TRAPPC9: variants seen among roughly 807,000 people sequenced by gnomAD.
TRAPPC9 encodes the protein trafficking protein particle complex subunit 9, also known as IKK2 binding protein.
A neutral mutation model predicts 124.0 loss-of-function variants in TRAPPC9; 83 were observed. That is an observed-to-expected ratio of 0.67 (90% confidence interval 0.56 to 0.80). The LOEUF (loss-of-function observed/expected upper bound fraction) is 0.80. Among genes scored for constraint, TRAPPC9 ranks in the 30% least tolerant of loss-of-function variants. TRAPPC9 has a pLI of 0.00. For synonymous variants in TRAPPC9, 638 were observed against 617.5 expected (o/e 1.03, Z -0.49); for missense variants, 1,302 against 1,508.3 (o/e 0.86, Z 2.27).
intron 17 of TRAPPC9, among the ~76,000 whole-genome samples, chr8:140,036,118 C>A (rs1840859907): frequency 6.6e-6 from 1 of 152,088 alleles, no homozygotes; most frequent in African/African-American, 2.4e-5. Flanking sequence ...CGCAGCCAGA[C>A]CACACAGGCA....
chr8:140,383,788 A>G (rs1052890640), intron 7 of TRAPPC9, among the ~76,000 whole-genome samples: 2 of 152,216 alleles, frequency 1.3e-5, no homozygotes, highest in Non-Finnish European at 2.9e-5. Context: ...GCAGGCCAAC[A>G]TTCAAATTCA....
chr8:139,903,523 G>T (rs2131235630), intron 20 of TRAPPC9, among the ~76,000 whole-genome samples: 1 of 152,290 alleles, frequency 6.6e-6, no homozygotes, highest in African/African-American at 2.4e-5. Flanking sequence ...CAAGGAAAAT[G>T]AAAGGGTGAG....
chr8:139,892,865 T>C (rs1301142578), intron 20 of TRAPPC9, among the ~76,000 whole-genome samples: 1 of 152,172 alleles, frequency 6.6e-6, no homozygotes, highest in Non-Finnish European at 1.5e-5. Context: ...TCCTCTGCTG[T>C]AGAAGCTGCA....
chr8:139,742,966 G>A lies in TRAPPC9; in HGVS notation c.3056-10764C>T, dbSNP rs892666895. 4.6e-5 allele frequency among the ~76,000 whole-genome samples: 7 copies of A among 152,244 alleles called. No homozygotes were observed. Among genetic ancestry groups the A allele is most frequent in the East Asian group, 3.9e-4 (2 of 5,178 alleles). On this transcript the variant is annotated intron_variant, in intron 21 of 22. Transcript: ENST00000438773. This position sits in a 1 kb window ranked among gnomAD's most constrained non-coding sequence, Gnocchi z 4.7. ...GTGGTGCTGAGCATGAGTTTCTGCC[G>A]TGCATGTGTCCAGGGTTGCAGGCCC...
At chr8:140,041,477 T>C (rs1374868166) in intron 17 of TRAPPC9, among the ~76,000 whole-genome samples, 1 of 152,224 alleles carries the variant, frequency 6.6e-6, no homozygotes, top group African/African-American at 2.4e-5. Context: ...AGTCAGTAAC[T>C]TTGTTTTTCA....
intron 21 of TRAPPC9, among the ~76,000 whole-genome samples, chr8:139,838,987 G>C (rs887383928): frequency 1.2e-4 from 19 of 152,186 alleles, no homozygotes; most frequent in Non-Finnish European, 2.1e-4. Flanking sequence ...ACGCTGGGAG[G>C]GGTGGAATTC....
In TRAPPC9 at chr8:140,281,952, G is replaced by A. The variant is rs887398559; in HGVS notation, c.2114+1937C>T. Among the ~76,000 whole-genome samples the A allele has an allele frequency of 2.0e-5, 3 of 152,112 alleles. No homozygotes were observed. In the East Asian group the frequency reaches 5.8e-4, roughly 29 times the overall value. Reference sequence around the variant, plus strand: ...CCTCCCCCAGCACATGGGACCTCCCGCATCACAGTCCTGACGACAGTGCAC... The same window carrying A: ...CCTCCCCCAGCACATGGGACCTCCCACATCACAGTCCTGACGACAGTGCAC... On this transcript the variant is annotated intron_variant, in intron 14 of 22. Transcript: ENST00000438773.
At chr8:140,146,975 T>C (rs1359403541) in intron 17 of TRAPPC9, among the ~76,000 whole-genome samples, 1 of 151,958 alleles carries the variant, frequency 6.6e-6, no homozygotes, top group Non-Finnish European at 1.5e-5. Flanking sequence ...TCAATAAAGA[T>C]TCATTTCCTT....
rs183025101 is a variant in TRAPPC9 at position 140,289,312 on chromosome 8, G to A, written c.1855-1578C>T. The stretch of plus-strand genomic sequence containing the variant: ...ACTCTCTCGGCAGTGAGTACACTTA[G>A]TGCCCGGACTTGGAGCCAAGGTGTG... On this transcript the variant is annotated intron_variant, in intron 12 of 22. Coordinates refer to ENST00000438773, the MANE Select transcript of TRAPPC9 (RefSeq NM_001160372.4). Among the ~76,000 whole-genome samples the A allele has an allele frequency of 1.3e-4, 20 of 152,264 alleles. No individual in the cohort carries two copies. The East Asian group carries it at 2.9e-3, about 22-fold the overall frequency.
intron 9 of TRAPPC9, among the ~76,000 whole-genome samples, chr8:140,348,036 A>G (rs980461610): frequency 6.6e-6 from 1 of 152,260 alleles, no homozygotes; most frequent in Non-Finnish European, 1.5e-5. Context: ...CAACTCCAGC[A>G]GCTCTAAGAA....
chr8:140,029,483 C>A (rs555015382), intron 17 of TRAPPC9, among the ~76,000 whole-genome samples: 8 of 152,020 alleles, frequency 5.3e-5, no homozygotes, highest in Admixed American at 2.6e-4. Context: ...CCAGCCTGGG[C>A]GACAGAGCAA....
At chr8:139,909,696 A>G (rs989031061) in intron 20 of TRAPPC9, among the ~76,000 whole-genome samples, 17 of 152,240 alleles carry the variant, frequency 1.1e-4, no homozygotes, top group African/African-American at 4.1e-4. Context: ...TTATAGCACA[A>G]TCCTTCTGAA....
intron 19 of TRAPPC9, among the ~76,000 whole-genome samples, chr8:139,913,605 TG>T (rs1291240791): frequency 2.0e-5 from 3 of 152,182 alleles, no homozygotes; most frequent in African/African-American, 7.2e-5. Flanking sequence ...GCCTGCTGCT[TG>T]TGTTAACGGC....
rs529836882 is a variant in TRAPPC9, at chr8:140,358,908, C to T, written c.1495+1142G>A. Among the ~76,000 whole-genome samples, 159 of 152,272 alleles carry T rather than the reference C, an allele frequency of 1.0e-3. 1 individual carries two copies. Among genetic ancestry groups the T allele is most frequent in the African/African-American group, 3.6e-3 (150 of 41,562 alleles). ...AGCAGTGAGCACCCAGGGCCTGGCA[C>T]GGGGACAGGAAGCCCCGGCCCTCCC... is the stretch of plus-strand genomic sequence containing the variant. On this transcript the variant is annotated intron_variant, in intron 9 of 22. Coordinates refer to ENST00000438773, the MANE Select transcript of TRAPPC9 (RefSeq NM_001160372.4).
intron 21 of TRAPPC9, among the ~76,000 whole-genome samples, chr8:139,835,395 G>T (rs1025559668): frequency 3.3e-5 from 5 of 152,262 alleles, no homozygotes; most frequent in African/African-American, 1.2e-4. Flanking sequence ...CGACTCTGCA[G>T]CAAGCATCCT....
chr8:140,148,872 TTTG>T (rs1433841870), intron 17 of TRAPPC9, among the ~76,000 whole-genome samples: 1 of 152,220 alleles, frequency 6.6e-6, no homozygotes, highest in East Asian at 1.9e-4. Flanking sequence ...AGTTTTTCTA[TTTG>T]TTGTTGTAAT....
At chr8:139,732,945 C>T (rs1374039609) in intron 21 of TRAPPC9, among the ~76,000 whole-genome samples, 2 of 152,142 alleles carry the variant, frequency 1.3e-5, no homozygotes, top group Non-Finnish European at 2.9e-5. Flanking sequence ...AAGGAGGACG[C>T]CTCCTAACTG....
At chr8:139,830,459 C>T (rs1015432411) in intron 21 of TRAPPC9, among the ~76,000 whole-genome samples, 11 of 152,000 alleles carry the variant, frequency 7.2e-5, no homozygotes, top group African/African-American at 1.9e-4. Flanking sequence ...AAACGCTACA[C>T]ACATACACAT....
intron 20 of TRAPPC9, among the ~76,000 whole-genome samples, chr8:139,902,423 G>A (rs1831078762): frequency 1.3e-5 from 2 of 152,198 alleles, no homozygotes; most frequent in African/African-American, 4.8e-5. Flanking sequence ...GTGGCTGACA[G>A]GGCTTCCCTG....
Sources: allele counts gnomAD v4.1 joint callset (sites outside exome capture counted in the v4.1 genomes callset), GRCh38; gene constraint gnomAD v4.1.1; non-coding constraint Gnocchi (gnomAD v3.1); transcripts MANE v1.5; gene names NCBI Gene and HGNC (gene_info 2026-07-23, HGNC 2026-07-21).